The following MRTFA variants were observed in gnomAD, a reference collection of about 807,000 sequenced individuals.
The protein encoded by MRTFA is myocardin-related transcription factor A.
A neutral mutation model predicts 83.5 loss-of-function variants in MRTFA; 20 were observed. That is an observed-to-expected ratio of 0.24 (90% CI 0.17 to 0.35). The LOEUF is 0.35. MRTFA is among the 10% of genes least tolerant of loss of function. The pLI, the probability that MRTFA is intolerant of heterozygous loss-of-function variation, is 1.00. For synonymous variants in MRTFA, 659 were observed against 541.2 expected, an observed-to-expected ratio of 1.22 and a Z score of -3.02; for missense variants, 1,200 against 1,224.7, an observed-to-expected ratio of 0.98 and a Z score of 0.30.
Position 40,420,530 on chromosome 22 carries a change from T to C in MRTFA, c.1228A>G (p.Ser410Gly). The change falls in exon 11 of 15, where the codon AGC (serine) becomes GGC (glycine). Residue 410 changes from serine to glycine, a missense_variant. Ser to Gly is a moderately conservative substitution (Grantham distance 56, BLOSUM62 0). This residue lies in a region of MRTFA where 1,107 missense variants were observed against 1,041.8 expected (regional missense o/e 1.06). Transcript: ENST00000355630. ...GAGCTGCTATTGGTAGTGGAGAGGC[T>C]GCGTACTGGGGGGGTCCCGCTGCTT... 6.2e-7 allele frequency: 1 copy of C among 1,613,746 alleles called. No homozygotes were observed. Among genetic ancestry groups the C allele is most frequent in the Non-Finnish European group, 8.5e-7 (1 of 1,180,008 alleles).
At chr22:40,474,132 T>C (rs534988923) in intron 3 of MRTFA, among the ~76,000 whole-genome samples, 4 of 152,296 alleles carry the variant, frequency 2.6e-5, no homozygotes, top group South Asian at 4.1e-4. Flanking sequence ...TGCAATTATT[T>C]TTGCACCAAC....
intron 3 of MRTFA, among the ~76,000 whole-genome samples, chr22:40,471,009 G>C (rs1030453092): frequency 5.9e-5 from 9 of 151,874 alleles, no homozygotes; most frequent in African/African-American, 2.2e-4. Context: ...ATAAAAGTTT[G>C]TTGTTTGAAA....
chr22:40,414,052 T>C (rs2052622230), intron 14 of MRTFA, among the ~76,000 whole-genome samples: 1 of 152,126 alleles, frequency 6.6e-6, no homozygotes, highest in South Asian at 2.1e-4. Context: ...GAAGTTACCA[T>C]ATGAGGCGGG....
chr22:40,583,393 G>A (rs2147363717), intron 2 of MRTFA, among the ~76,000 whole-genome samples: 1 of 152,240 alleles, frequency 6.6e-6, no homozygotes, highest in East Asian at 1.9e-4. Flanking sequence ...CCAAAGAAGA[G>A]GACAATTCCC....
intron 1 of MRTFA, among the ~76,000 whole-genome samples, chr22:40,604,444 T>C (rs919025626): frequency 1.3e-5 from 2 of 151,566 alleles, no homozygotes; most frequent in Admixed American, 6.6e-5. Context: ...AACTGTTAGT[T>C]ACCTAAGACA....
intron 14 of MRTFA, among the ~76,000 whole-genome samples, chr22:40,413,608 A>AAT (rs1329245868): frequency 6.6e-6 from 1 of 151,548 alleles, no homozygotes; most frequent in Non-Finnish European, 1.5e-5. Flanking sequence ...TGCCCGGATA[A>AAT]ATTTTTTGTA....
intron 1 of MRTFA, among the ~76,000 whole-genome samples, chr22:40,606,442 A>G (rs183434998): frequency 6.6e-6 from 1 of 152,284 alleles, no homozygotes; most frequent in East Asian, 1.9e-4. Context: ...TCTTGACCAC[A>G]CCCCAACAAG....
At chr22:40,536,324 A>C (rs8139521) in intron 3 of MRTFA, among the ~76,000 whole-genome samples, 115,625 of 151,410 alleles carry the variant, frequency 0.76, 44,520 homozygotes, top group East Asian at 0.9. Flanking sequence ...AAATGGGCCG[A>C]AGCCGCCGCC....
At position 40,481,788 on chromosome 22, in the gene MRTFA, C is replaced by T. The variant is rs538741611; in HGVS notation, c.242-18502G>A. Among the ~76,000 whole-genome samples, 27 of 152,130 alleles carry T rather than the reference C, an allele frequency of 1.8e-4. No individual in the cohort carries two copies. The East Asian group carries it at 2.9e-3, about 16-fold the overall frequency. ...AAGAAATGAGGACTCTGACCAGGCG[C>T]GGTGGCTCACGCCTGTAATCCCAGC... On this transcript the variant is annotated intron_variant, in intron 3 of 14. Transcript: ENST00000355630.
At chr22:40,502,781 G>A (rs2054517264) in intron 3 of MRTFA, among the ~76,000 whole-genome samples, 1 of 151,968 alleles carries the variant, frequency 6.6e-6, no homozygotes, top group Admixed American at 6.5e-5. Flanking sequence ...CGCCGGCGCG[G>A]CGGCAAAGAC....
intron 14 of MRTFA, chr22:40,415,345 G>C (rs1211649221): frequency 2.0e-5 from 3 of 152,244 alleles, no homozygotes; most frequent in African/African-American, 7.2e-5. Flanking sequence ...CAGACCCCAG[G>C]GACCCAGGGA....
At chr22:40,467,788 C>T (rs2053834240) in intron 3 of MRTFA, among the ~76,000 whole-genome samples, 1 of 152,156 alleles carries the variant, frequency 6.6e-6, no homozygotes, top group African/African-American at 2.4e-5. Context: ...AATAAAGACT[C>T]AACAAAAATA....
rs560949880 is a variant in MRTFA at position 40,582,884 on chromosome 22, G to GA, written c.-22+11789dup. Among the ~76,000 whole-genome samples the GA allele has an allele frequency of 2.8e-4, 42 of 152,190 alleles. No homozygotes were observed. The East Asian group carries it at 3.5e-3, about 13-fold the overall frequency. Reference sequence around the variant, plus strand: ...ATGCACATTATGGTTCTTTCTGTATGAAAAAAAGGCTGATGGCAATCTGGC... The same window carrying GA: ...ATGCACATTATGGTTCTTTCTGTATGAAAAAAAAGGCTGATGGCAATCTGGC... On this transcript the variant is annotated intron_variant, in intron 2 of 14. Coordinates refer to ENST00000355630, the MANE Select transcript of MRTFA (RefSeq NM_020831.6).
At chr22:40,443,021 CG>C (rs558652086) in intron 4 of MRTFA, among the ~76,000 whole-genome samples, 1 of 151,724 alleles carries the variant, frequency 6.6e-6, no homozygotes, top group Non-Finnish European at 1.5e-5. Flanking sequence ...AGGCCGAGGT[CG>C]GGGGGGATCA....
intron 14 of MRTFA, among the ~76,000 whole-genome samples, chr22:40,413,550 G>A (rs1048721846): frequency 1.3e-5 from 2 of 151,884 alleles, no homozygotes; most frequent in East Asian, 1.9e-4. Flanking sequence ...CTCGTGATCC[G>A]CCTGCCTTGG....
At chr22:40,599,164 G>A (rs971903184) in intron 1 of MRTFA, among the ~76,000 whole-genome samples, 3 of 151,394 alleles carry the variant, frequency 2.0e-5, no homozygotes, top group African/African-American at 7.3e-5. Flanking sequence ...TGGGCATAGT[G>A]GTGCATGCCT....
chr22:40,580,889 T>C (rs1396900184), intron 2 of MRTFA, among the ~76,000 whole-genome samples: 3 of 152,228 alleles, frequency 2.0e-5, no homozygotes, highest in Non-Finnish European at 4.4e-5. Context: ...GCCTCCCAAG[T>C]AGCTGGGACT....
intron 3 of MRTFA, among the ~76,000 whole-genome samples, chr22:40,534,172 T>C (rs1285248909): frequency 6.6e-6 from 1 of 152,222 alleles, no homozygotes; most frequent in Admixed American, 6.5e-5. Flanking sequence ...ATATACAAAA[T>C]GTAAGCTCCA....
At chr22:40,551,112 A>AG (rs1265794879) in intron 3 of MRTFA, among the ~76,000 whole-genome samples, 1 of 152,032 alleles carries the variant, frequency 6.6e-6, no homozygotes, top group Non-Finnish European at 1.5e-5. Context: ...GGCCTCCCAA[A>AG]GGCATGAGTC....
Sources: allele counts gnomAD v4.1 joint callset (sites outside exome capture counted in the v4.1 genomes callset), GRCh38; gene constraint gnomAD v4.1.1; regional missense constraint gnomAD v4.1.1; transcripts MANE v1.5; gene names NCBI Gene and HGNC (gene_info 2026-07-23, HGNC 2026-07-21).